The following PTPRU variants were observed in gnomAD, a reference collection of about 807,000 sequenced individuals.
PTPRU encodes the protein protein tyrosine phosphatase receptor type U.
Under a neutral mutation model 166.3 loss-of-function variants are expected in PTPRU, and 69 were observed. That is an observed-to-expected ratio of 0.41 (90% CI 0.34 to 0.51). PTPRU has a LOEUF of 0.51. Among genes scored for constraint, PTPRU ranks in the 20% least tolerant of loss-of-function variants. The pLI is 0.09. For synonymous variants in PTPRU, 793 were observed against 814.0 expected (o/e 0.97, Z 0.44); for missense variants, 1,657 against 2,013.7 (o/e 0.82, Z 3.39).
rs41266211 is a variant in PTPRU, at chr1:29,255,199, G to A, written c.74-76G>A. The A allele has an allele frequency of 9.7e-3, 14,702 of 1,518,274 alleles. 109 individuals are homozygous for A. The highest frequency in any genetic ancestry group is 0.011 in the Non-Finnish European group (12,218 of 1,121,192). The allele number at this position is 1,518,274 out of a possible 1,614,324, so 94.1% of individuals were successfully genotyped here. ...CAGGTGGGCCTGGGTAGAAGGGAGA[G>A]TGGGGCTACCCTCCAGGAGCCCTCC... On this transcript the variant is annotated intron_variant, in intron 1 of 29. Transcript: ENST00000373779.
chr1:29,262,734 A>G (rs1308735378), intron 7 of PTPRU, among the ~76,000 whole-genome samples: 3 of 152,202 alleles, frequency 2.0e-5, no homozygotes, highest in Admixed American at 6.5e-5. Context: ...GAGTTACACA[A>G]CCATTAACTC....
chr1:29,255,481 T>G, intron 2 of PTPRU, 75 bp downstream of exon 2: 1 of 1,578,046 alleles, frequency 6.3e-7, no homozygotes, highest in Non-Finnish European at 8.7e-7. Flanking sequence ...TGTGTGACCT[T>G]GGGCACATTA....
rs1447139102 is a variant in PTPRU, at chr1:29,303,916, T to A, written c.2538T>A (p.Arg846=). The change falls in exon 16 of 30, where the codon CGT becomes CGA. Residue 846 remains arginine (R), a synonymous_variant. Coordinates refer to ENST00000373779, the MANE Select transcript of PTPRU (RefSeq NM_133178.4). ...ASSLLGGSPR[R]PCGRKGSPYH... The stretch of plus-strand genomic sequence containing the variant: ...GCCTCCTGGGGGGCTCCCCGAGGCG[T>A]CCCTGTGGCCGGAAGGGCTCCCCAT... The A allele has an allele frequency of 6.2e-7, 1 of 1,613,818 alleles. No homozygotes were observed.
chr1:29,246,664 G>A (rs904317414), intron 1 of PTPRU, among the ~76,000 whole-genome samples: 1 of 151,942 alleles, frequency 6.6e-6, no homozygotes, highest in African/African-American at 2.4e-5. Context: ...TGGCCAGGCT[G>A]GAGTGCAATG....
In PTPRU at chr1:29,279,229, G is replaced by A. The variant is rs572392319; in HGVS notation, c.1563+108G>A. The A allele has an allele frequency of 9.9e-6, 11 of 1,113,192 alleles. No individual in the cohort carries two copies. The highest frequency in any genetic ancestry group is 4.7e-5 in the African/African-American group (3 of 64,042). The allele number at this position is 1,113,192 out of a possible 1,614,324, so 69.0% of individuals were successfully genotyped here. ...GGTGCATGGGAGGACAGATGTGATTGTCATAGTTTCTTCAACTATGGCCAG... is the reference window on the plus strand; with the variant it reads ...GGTGCATGGGAGGACAGATGTGATTATCATAGTTTCTTCAACTATGGCCAG... On this transcript the variant is annotated intron_variant, in intron 9 of 29. Coordinates refer to ENST00000373779, the MANE Select transcript of PTPRU (RefSeq NM_133178.4). This position sits in a 1 kb window ranked among gnomAD's most constrained non-coding sequence, Gnocchi z 5.2.
At chr1:29,267,638 T>G (rs534660837) in intron 7 of PTPRU, among the ~76,000 whole-genome samples, 14 of 152,226 alleles carry the variant, frequency 9.2e-5, no homozygotes, top group Admixed American at 8.5e-4. Flanking sequence ...GTCACTGTGT[T>G]AGTGACTGAG....
At chr1:29,298,031 G>C (rs944395675) in intron 15 of PTPRU, among the ~76,000 whole-genome samples, 11 of 152,080 alleles carry the variant, frequency 7.2e-5, no homozygotes, top group Admixed American at 4.6e-4. Flanking sequence ...GCAGAGGCAG[G>C]CAGATTGCTT....
chr1:29,320,499 C>A lies in PTPRU; in HGVS notation c.3688-186C>A. On this transcript the variant is annotated intron_variant, in intron 25 of 29. Coordinates refer to ENST00000373779, the MANE Select transcript of PTPRU (RefSeq NM_133178.4). The surrounding 1 kb of genome is among the most constrained non-coding windows in gnomAD (Gnocchi z 5.2). ...GGCTTGGTCCCCAGAGGCCTGGGCC[C>A]ACCCTGTCAACCCAGGCCTCAGTGT... is the stretch of plus-strand genomic sequence containing the variant. The A allele has an allele frequency of 1.8e-6, 1 of 569,088 alleles. No individual in the cohort carries two copies. The allele number at this position is 569,088 out of a possible 1,614,324, so 35.3% of individuals were successfully genotyped here.
chr1:29,265,429 C>T (rs1285944973), intron 7 of PTPRU, among the ~76,000 whole-genome samples: 2 of 151,958 alleles, frequency 1.3e-5, no homozygotes, highest in East Asian at 3.9e-4. Context: ...GCAGCATGAT[C>T]TCAGCTCACT....
chr1:29,247,267 G>T (rs560757969), intron 1 of PTPRU, among the ~76,000 whole-genome samples: 22 of 152,372 alleles, frequency 1.4e-4, no homozygotes, highest in Admixed American at 1.2e-3. Context: ...GGCGCGGTGT[G>T]CCTTGTGCAG....
chr1:29,268,624 A>C (rs972049944), intron 7 of PTPRU, among the ~76,000 whole-genome samples: 2 of 152,360 alleles, frequency 1.3e-5, no homozygotes, highest in East Asian at 3.9e-4. Flanking sequence ...TTTTGGGTTA[A>C]ATGCAGACAA....
Position 29,304,147 on chromosome 1 carries a change from G to A in PTPRU, c.2667+102G>A, listed in dbSNP as rs2295062. 854 of 1,329,894 alleles carry A rather than the reference G, an allele frequency of 6.4e-4. 26 individuals are homozygous for A. The East Asian group carries it at 0.021, about 33-fold the overall frequency. 82.4% of individuals were successfully genotyped at this position (1,329,894 alleles called of 1,614,324 possible). On this transcript the variant is annotated intron_variant, in intron 16 of 29. Transcript: ENST00000373779. ...GGCAACCCTCAGCCTAGTCCTGGTTGGACGCCTGCTCTGACAGTTTCCAAC... is the reference window on the plus strand; with the variant it reads ...GGCAACCCTCAGCCTAGTCCTGGTTAGACGCCTGCTCTGACAGTTTCCAAC...
rs778663291 is a variant in PTPRU, at chr1:29,312,598, C to T, written c.3119C>T (p.Ala1040Val). ...RHEVRQFHFT[A>V]WPEHGVPYHA... Reference sequence around the variant, plus strand: ...GAGGTCCGCCAGTTCCACTTCACAGCGTGGCCAGAGCATGGCGTCCCCTAC... The same window carrying T: ...GAGGTCCGCCAGTTCCACTTCACAGTGTGGCCAGAGCATGGCGTCCCCTAC... Residue 1040 changes from alanine to valine, a missense_variant, in exon 22 of 30, where the codon GCG becomes GTG. Ala to Val is a moderately conservative substitution (Grantham distance 64). Around this residue, in one of 3 missense-constraint regions of PTPRU, gnomAD observed 1,190 missense variants for 1,477.4 expected, o/e 0.81. Coordinates refer to ENST00000373779, the MANE Select transcript of PTPRU (RefSeq NM_133178.4). The T allele has an allele frequency of 6.3e-5, 101 of 1,607,592 alleles. No individual in the cohort carries two copies. Among genetic ancestry groups the T allele is most frequent in the Non-Finnish European group, 8.1e-5 (95 of 1,175,030 alleles).
At chr1:29,292,918 C>T (rs756621923) in intron 15 of PTPRU, among the ~76,000 whole-genome samples, 5 of 150,112 alleles carry the variant, frequency 3.3e-5, no homozygotes, top group Non-Finnish European at 5.9e-5. Flanking sequence ...CAGGTTCAAA[C>T]AATTTTCCTG....
intron 25 of PTPRU, among the ~76,000 whole-genome samples, chr1:29,318,926 G>C (rs549149931): frequency 6.6e-6 from 1 of 152,356 alleles, no homozygotes; most frequent in East Asian, 1.9e-4. Flanking sequence ...CTCCCACAGC[G>C]GTTAAGAGGG....
Position 29,326,269 on chromosome 1 carries a change from A to G in PTPRU, c.*608A>G, listed in dbSNP as rs919235925. The G allele has an allele frequency of 1.7e-5, 3 of 181,200 alleles. No individual in the cohort carries two copies. Among genetic ancestry groups the G allele is most frequent in the African/African-American group, 7.0e-5 (3 of 42,610 alleles). 11.2% of individuals were successfully genotyped at this position (181,200 alleles called of 1,614,324 possible). ...CAGCCCCTGAGATATTTTGCTCACT[A>G]TCCCTCCCCACTTGCTTCCCTGATA... On this transcript the variant is annotated 3_prime_UTR_variant, in exon 30 of 30. Transcript: ENST00000373779.
At chr1:29,306,767 C>T (rs1443856729) in intron 18 of PTPRU, among the ~76,000 whole-genome samples, 1 of 152,222 alleles carries the variant, frequency 6.6e-6, no homozygotes, top group Non-Finnish European at 1.5e-5. Context: ...CTCTTCTTCT[C>T]CTCCTCCTGG....
intron 7 of PTPRU, among the ~76,000 whole-genome samples, chr1:29,268,402 A>G (rs1685396301): frequency 6.6e-6 from 1 of 152,190 alleles, no homozygotes; most frequent in Non-Finnish European, 1.5e-5. Context: ...GGTGGCGGCA[A>G]TGGGGTGTTA....
At chr1:29,239,929 C>T (rs1462472163) in intron 1 of PTPRU, among the ~76,000 whole-genome samples, 2 of 152,190 alleles carry the variant, frequency 1.3e-5, no homozygotes, top group African/African-American at 4.8e-5. Context: ...AGGGTGAAGT[C>T]CTTATCCCTT....
Sources: allele counts gnomAD v4.1 joint callset (sites outside exome capture counted in the v4.1 genomes callset), GRCh38; gene constraint gnomAD v4.1.1; regional missense constraint gnomAD v4.1.1; non-coding constraint Gnocchi (gnomAD v3.1); transcripts MANE v1.5; gene names NCBI Gene and HGNC (gene_info 2026-07-23, HGNC 2026-07-21).